Variants in NXPE2 observed in about 807,000 individuals in gnomAD.
NXPE2 encodes neurexophilin and PC-esterase domain family member 2.
NXPE2 carries 34 observed loss-of-function variants against 34.4 expected under a neutral mutation model. The ratio of observed to expected loss-of-function variants is 0.99; its 90% CI spans 0.75 to 1.31. NXPE2 has a LOEUF of 1.31. NXPE2 is among the 40% of genes most tolerant of loss of function. The pLI is 0.00. For missense variants in NXPE2, 649 were observed against 672.5 expected, an observed-to-expected ratio of 0.97 and a Z score of 0.39; for synonymous variants, 235 against 231.3, an observed-to-expected ratio of 1.02 and a Z score of -0.15.
the NXPE2 span, among the ~76,000 whole-genome samples, chr11:114,474,179 T>C: frequency 6.6e-6 from 1 of 152,152 alleles, no homozygotes; most frequent in Non-Finnish European, 1.5e-5. Flanking sequence ...GCTACAAGTT[T>C]GGATTTCAGG....
At chr11:114,594,518 T>G in the NXPE2 span, 1 of 628,356 alleles carries the variant, frequency 1.6e-6, no homozygotes, top group Non-Finnish European at 2.8e-6. Context: ...TATTGCTTAA[T>G]GATTATCAGG....
At chr11:114,803,975 C>T in the NXPE2 span, among the ~76,000 whole-genome samples, 1 of 152,162 alleles carries the variant, frequency 6.6e-6, no homozygotes, top group Non-Finnish European at 1.5e-5. Flanking sequence ...AAAACTGTAA[C>T]ATTGAGAATT....
chr11:114,717,662 T>C, the NXPE2 span, among the ~76,000 whole-genome samples: 1 of 152,228 alleles, frequency 6.6e-6, no homozygotes, highest in Admixed American at 6.5e-5. Flanking sequence ...AGTTTGGGAA[T>C]AGTAAGAGCA....
chr11:114,524,360 C>T, the NXPE2 span, among the ~76,000 whole-genome samples: 1 of 152,208 alleles, frequency 6.6e-6, no homozygotes, highest in Non-Finnish European at 1.5e-5. Flanking sequence ...CTTAGTTCCT[C>T]AGAGGCCTTG....
chr11:114,807,256 A>T, the NXPE2 span, among the ~76,000 whole-genome samples: 1 of 152,148 alleles, frequency 6.6e-6, no homozygotes, highest in Non-Finnish European at 1.5e-5. Context: ...TGTAAAGACC[A>T]TCAAGGCTAG....
chr11:114,585,457 A>G, the NXPE2 span, among the ~76,000 whole-genome samples: 1 of 152,116 alleles, frequency 6.6e-6, no homozygotes, highest in Non-Finnish European at 1.5e-5. Context: ...GCAAATGGAA[A>G]CCAAAAGAGA....
the NXPE2 span, among the ~76,000 whole-genome samples, chr11:114,723,802 C>T: frequency 2.0e-5 from 3 of 152,064 alleles, no homozygotes; most frequent in Non-Finnish European, 2.9e-5. Context: ...CCTTCAAACA[C>T]AAAAACCATA....
chr11:114,798,635 G>T, the NXPE2 span, among the ~76,000 whole-genome samples: 454 of 152,320 alleles, frequency 3.0e-3, 2 homozygotes, highest in Non-Finnish European at 4.9e-3. Flanking sequence ...TCCCGCCTTG[G>T]CCTCCCAAAG....
At chr11:114,704,434 C>G (rs1417366429) in intron 4 of NXPE2, among the ~76,000 whole-genome samples, 2 of 152,176 alleles carry the variant, frequency 1.3e-5, no homozygotes, top group Non-Finnish European at 2.9e-5. Context: ...TTGGTGGTTT[C>G]TAATTTCTCA....
the NXPE2 span, among the ~76,000 whole-genome samples, chr11:114,624,602 T>A: frequency 1.3e-5 from 2 of 151,690 alleles, no homozygotes; most frequent in East Asian, 3.9e-4. Context: ...GGATTATAAG[T>A]ATTGCCTCAT....
At chr11:114,660,695 G>GA in the NXPE2 span, among the ~76,000 whole-genome samples, 3 of 151,820 alleles carry the variant, frequency 2.0e-5, no homozygotes, top group African/African-American at 7.3e-5. Context: ...CCAAGATAAG[G>GA]AAAAAAATCA....
At chr11:114,551,035 T>C in the NXPE2 span, 1 of 813,586 alleles carries the variant, frequency 1.2e-6, no homozygotes, top group Non-Finnish European at 2.0e-6. Flanking sequence ...GGAGTGGGAC[T>C]GACTTGAGGC....
At chr11:114,773,288 C>CTCCCCCCCCCCCCCCCCCG in the NXPE2 span, among the ~76,000 whole-genome samples, 1 of 95,870 alleles carries the variant, frequency 1.0e-5, no homozygotes, top group Non-Finnish European at 2.2e-5. Flanking sequence ...CACCCCCCCC[C>CTCCCCCCCCCCCCCCCCCG]CACCCCATTC....
chr11:114,764,826 C>T, the NXPE2 span, among the ~76,000 whole-genome samples: 2 of 152,106 alleles, frequency 1.3e-5, no homozygotes, highest in East Asian at 3.8e-4. Context: ...TGCTACGTGG[C>T]CATTTCAGAT....
At chr11:114,763,162 G>A in the NXPE2 span, among the ~76,000 whole-genome samples, 1 of 151,896 alleles carries the variant, frequency 6.6e-6, no homozygotes, top group African/African-American at 2.4e-5. Context: ...TAAAATTATG[G>A]GGCAAGAATA....
At chr11:114,546,449 C>T in the NXPE2 span, among the ~76,000 whole-genome samples, 2 of 146,076 alleles carry the variant, frequency 1.4e-5, no homozygotes, top group Admixed American at 1.4e-4. Context: ...TAGTATCATA[C>T]ATATATATAT....
chr11:114,791,842 G>A, the NXPE2 span, among the ~76,000 whole-genome samples: 1 of 152,118 alleles, frequency 6.6e-6, no homozygotes, highest in Non-Finnish European at 1.5e-5. Flanking sequence ...GGATCACGAG[G>A]TCAGGAGATC....
the NXPE2 span, among the ~76,000 whole-genome samples, chr11:114,579,600 G>T: frequency 6.6e-6 from 1 of 152,172 alleles, no homozygotes; most frequent in Non-Finnish European, 1.5e-5. Flanking sequence ...ACACCAAAGA[G>T]AAGTTATGTA....
Position 114,706,903 on chromosome 11 carries a change from T to C in NXPE2, c.1653T>C (p.Ile551=), listed in dbSNP as rs1951488651. The C allele has an allele frequency of 6.5e-7, 1 of 1,549,680 alleles. No individual in the cohort carries two copies. Among genetic ancestry groups the C allele is most frequent in the Admixed American group, 2.0e-5 (1 of 50,904 alleles). The change falls in exon 6 of 6, where the codon ATT becomes ATC. Residue 551 remains isoleucine (I), a synonymous_variant. Transcript: ENST00000389586. Reference sequence around the variant, plus strand: ...CGGATTATGTGATTCAAAATCAGATTGGCATGTTCTTAAACTACATTTGTT... The same window carrying C: ...CGGATTATGTGATTCAAAATCAGATCGGCATGTTCTTAAACTACATTTGTT... The part of the protein sequence containing the change: ...HPPDYVIQNQ[I]GMFLNYIC
Sources: allele counts gnomAD v4.1 joint callset (sites outside exome capture counted in the v4.1 genomes callset), GRCh38; gene constraint gnomAD v4.1.1; transcripts MANE v1.5; gene names NCBI Gene and HGNC (gene_info 2026-07-23, HGNC 2026-07-21).